Variants in CFAP47 observed in about 807,000 individuals in gnomAD.
The protein encoded by CFAP47 is cilia and flagella associated protein 47, also known as cilia- and flagella-associated protein 47.
A neutral mutation model predicts 148.1 loss-of-function variants in CFAP47; 29 were observed. That is an observed-to-expected ratio of 0.20 (90% CI 0.15 to 0.27). CFAP47 has a LOEUF of 0.27. Among genes scored for constraint, CFAP47 ranks in the 10% least tolerant of loss-of-function variants. CFAP47 has a pLI of 1.00. For missense variants in CFAP47, 1,872 were observed against 1,697.5 expected (o/e 1.10, Z -1.81); for synonymous variants, 664 against 577.3 (o/e 1.15, Z -2.15).
At chrX:36,233,866 A>T (rs1268137845) in intron 46 of CFAP47, among the ~76,000 whole-genome samples, 2 of 110,353 alleles carry the variant, frequency 1.8e-5, no homozygotes, top group South Asian at 7.9e-4. Flanking sequence ...TTTCTCCTTC[A>T]CTTATGAAGC....
At chrX:36,371,572 T>A (rs1217386617) in intron 62 of CFAP47, among the ~76,000 whole-genome samples, 2 of 98,388 alleles carry the variant, frequency 2.0e-5, no homozygotes, top group African/African-American at 7.3e-5. Context: ...TATATATATG[T>A]GTGTATATAT....
intron 8 of CFAP47, among the ~76,000 whole-genome samples, chrX:35,961,906 T>C (rs1257285648): frequency 9.0e-6 from 1 of 111,567 alleles, no homozygotes; most frequent in Admixed American, 9.6e-5. Context: ...CTAAGGTGGA[T>C]GGTTAGAATA....
At chrX:35,960,132 A>T (rs1936304502) in intron 8 of CFAP47, among the ~76,000 whole-genome samples, 1 of 106,265 alleles carries the variant, frequency 9.4e-6, no homozygotes, top group Non-Finnish European at 1.9e-5. Context: ...GAGACAAGAT[A>T]CTTCACCATG....
intron 56 of CFAP47, among the ~76,000 whole-genome samples, chrX:36,317,000 T>C (rs1372228984): frequency 9.0e-6 from 1 of 111,702 alleles, no homozygotes; most frequent in Non-Finnish European, 1.9e-5. Context: ...TTGCCTAGGC[T>C]GGTCTGGAAC....
intron 62 of CFAP47, among the ~76,000 whole-genome samples, chrX:36,378,014 A>G (rs1295800619): frequency 2.7e-5 from 3 of 111,949 alleles, no homozygotes; most frequent in African/African-American, 9.7e-5. Context: ...ATATTTGCTG[A>G]ATAGATCAGT....
At chrX:35,937,942 G>A (rs2146628130) in intron 2 of CFAP47, among the ~76,000 whole-genome samples, 1 of 111,655 alleles carries the variant, frequency 9.0e-6, no homozygotes, top group Non-Finnish European at 1.9e-5. Flanking sequence ...AAGTGCCCTA[G>A]TTGGTAGATG....
At chrX:36,265,807 G>T (rs1940884393) in intron 49 of CFAP47, among the ~76,000 whole-genome samples, 1 of 111,813 alleles carries the variant, frequency 8.9e-6, no homozygotes, top group African/African-American at 3.3e-5. Context: ...AGAGTTCTGT[G>T]CTGGTTCTTT....
intron 33 of CFAP47, among the ~76,000 whole-genome samples, chrX:36,114,011 C>T (rs753234166): frequency 3.6e-5 from 4 of 109,620 alleles, no homozygotes; most frequent in African/African-American, 6.6e-5. Context: ...GGAGTTTCAC[C>T]GCATTAGCCA....
chrX:36,292,781 C>A (rs1356059219), intron 51 of CFAP47, among the ~76,000 whole-genome samples: 4 of 111,453 alleles, frequency 3.6e-5, no homozygotes, highest in Non-Finnish European at 7.5e-5. Context: ...CTGTCTTCAC[C>A]CTGTAACTTT....
intron 62 of CFAP47, among the ~76,000 whole-genome samples, chrX:36,370,398 T>C (rs1033189155): frequency 1.8e-5 from 2 of 109,994 alleles, no homozygotes; most frequent in African/African-American, 6.6e-5. Context: ...GTTTCTAGCT[T>C]CATCCATGTC....
intron 26 of CFAP47, among the ~76,000 whole-genome samples, chrX:36,060,781 A>G (rs1937587528): frequency 9.0e-6 from 1 of 111,554 alleles, no homozygotes; most frequent in Non-Finnish European, 1.9e-5. Context: ...GTTTATAAAT[A>G]ACAATTTCTT....
chrX:36,188,909 G>A (rs1346142080), intron 41 of CFAP47, among the ~76,000 whole-genome samples: 1 of 111,131 alleles, frequency 9.0e-6, no homozygotes, highest in African/African-American at 3.3e-5. Flanking sequence ...TTCACTGCCA[G>A]TCTACTTCCC....
At chrX:36,324,090 G>GAAATGTTAT (rs1297741467) in intron 57 of CFAP47, among the ~76,000 whole-genome samples, 2 of 111,663 alleles carry the variant, frequency 1.8e-5, no homozygotes, top group African/African-American at 6.5e-5. Flanking sequence ...TTTTCACTTT[G>GAAATGTTAT]AAATGTTATC....
intron 30 of CFAP47, among the ~76,000 whole-genome samples, chrX:36,088,554 A>G (rs1050063529): frequency 5.4e-5 from 6 of 110,630 alleles, no homozygotes; most frequent in African/African-American, 2.0e-4. Context: ...AGAGAATGCT[A>G]TGTGAGTACA....
chrX:35,960,409 G>GAAAAAAAAAAAAAAAAAAAAAAAAATT, intron 8 of CFAP47, among the ~76,000 whole-genome samples: 1 of 69,699 alleles, frequency 1.4e-5, no homozygotes, highest in East Asian at 4.2e-4. Context: ...AAAAAAAAAG[G>GAAAAAAAAAAAAAAAAAAAAAAAAATT]ACAGCTGGAA....
intron 2 of CFAP47, among the ~76,000 whole-genome samples, chrX:35,934,328 A>T (rs961565169): frequency 9.0e-6 from 1 of 110,621 alleles, no homozygotes; most frequent in Non-Finnish European, 1.9e-5. Flanking sequence ...GCCTCACCCT[A>T]TGGCCGCCAC....
At chrX:36,112,686 A>G (rs1367904128) in intron 33 of CFAP47, among the ~76,000 whole-genome samples, 3 of 111,340 alleles carry the variant, frequency 2.7e-5, no homozygotes, top group African/African-American at 9.8e-5. Context: ...GATCTGTTTA[A>G]TACTACTAGT....
At chrX:36,140,454 A>T (rs968535248) in intron 35 of CFAP47, among the ~76,000 whole-genome samples, 12 of 111,758 alleles carry the variant, frequency 1.1e-4, no homozygotes, top group Non-Finnish European at 1.7e-4. Context: ...AAAATAATTT[A>T]AAAATAAGTA....
intron 62 of CFAP47, among the ~76,000 whole-genome samples, chrX:36,372,476 C>T (rs782589697): frequency 2.4e-3 from 270 of 111,691 alleles, no homozygotes; most frequent in Middle Eastern, 0.018. Flanking sequence ...AGAAATGCAT[C>T]CTTGGGTGAT....
Sources: gnomAD v4.1 joint callset for allele counts (sites outside exome capture counted in the v4.1 genomes callset) on GRCh38, gnomAD v4.1.1 for gene constraint, MANE v1.5 for transcripts, NCBI Gene and HGNC (gene_info 2026-07-23, HGNC 2026-07-21) for gene names.